CEMIP: variants seen among roughly 807,000 people sequenced by gnomAD.
CEMIP encodes cell migration-inducing and hyaluronan-binding protein.
Under a neutral mutation model 156.9 loss-of-function variants are expected in CEMIP, and 105 were observed. That is an observed-to-expected ratio of 0.67 (90% CI 0.57 to 0.79). The LOEUF is 0.79. CEMIP is among the 30% of genes least tolerant of loss of function. The pLI, the probability that CEMIP is intolerant of heterozygous loss-of-function variation, is 0.00. For missense variants in CEMIP, 1,457 were observed against 1,769.4 expected (o/e 0.82, Z 3.17); for synonymous variants, 676 against 668.4 (o/e 1.01, Z -0.17).
chr15:80,889,188 A>T (rs1898953487), intron 9 of CEMIP, among the ~76,000 whole-genome samples: 1 of 152,270 alleles, frequency 6.6e-6, no homozygotes, highest in Admixed American at 6.5e-5. Context: ...TAACGGGTTT[A>T]CAGATGGATT....
chr15:80,853,115 G>A (rs1897753616), intron 1 of CEMIP, among the ~76,000 whole-genome samples: 2 of 152,224 alleles, frequency 1.3e-5, no homozygotes, highest in African/African-American at 4.8e-5. Context: ...ATGCAGAAAA[G>A]TGTTTGTTGT....
intron 17 of CEMIP, among the ~76,000 whole-genome samples, chr15:80,922,650 C>T (rs766147006): frequency 3.3e-5 from 5 of 152,222 alleles, no homozygotes; most frequent in Non-Finnish European, 5.9e-5. Flanking sequence ...GCTAAGTGGG[C>T]AGGTGGGACA....
In CEMIP at chr15:80,884,157, T is replaced by C. The variant is rs767597905; in HGVS notation, c.618-18T>C. The C allele has an allele frequency of 4.2e-5, 68 of 1,613,744 alleles. 2 individuals are homozygous for C. In the South Asian group the frequency reaches 7.2e-4, roughly 17 times the overall value. ...TGCGGTCAAGACTATTCAGATCTCT[T>C]CTCTCTGCCCTTTTTAGGTTTGACA... On this transcript the variant is annotated intron_variant, in intron 6 of 29. Transcript: ENST00000394685.
chr15:80,881,313 T>C (rs1271401178), intron 6 of CEMIP, among the ~76,000 whole-genome samples, 177 bp downstream of exon 6: 1 of 152,166 alleles, frequency 6.6e-6, no homozygotes, highest in East Asian at 1.9e-4. Flanking sequence ...TGATGCTGAA[T>C]TGAAGAGGAG....
chr15:80,920,320 C>T (rs775255560), intron 15 of CEMIP, 21 bp downstream of exon 15: 1 of 1,606,222 alleles, frequency 6.2e-7, no homozygotes, highest in East Asian at 2.2e-5. Context: ...GGACCCCTCT[C>T]TGTGTGCTGG....
intron 3 of CEMIP, among the ~76,000 whole-genome samples, chr15:80,875,277 C>T (rs1284868410): frequency 6.6e-6 from 1 of 152,084 alleles, no homozygotes; most frequent in Non-Finnish European, 1.5e-5. Flanking sequence ...TCAAGGGATC[C>T]TTCAGCCTCG....
At chr15:80,877,222 G>A (rs1898505698) in intron 3 of CEMIP, among the ~76,000 whole-genome samples, 3 of 152,218 alleles carry the variant, frequency 2.0e-5, no homozygotes, top group Admixed American at 1.3e-4. Context: ...AGATTTGGGT[G>A]AGGACACAGC....
chr15:80,786,132 C>G (rs1042938119), intron 1 of CEMIP, among the ~76,000 whole-genome samples: 1 of 152,114 alleles, frequency 6.6e-6, no homozygotes, highest in East Asian at 1.9e-4. Flanking sequence ...CTGTGGGTTC[C>G]AAGGAGCACA....
chr15:80,896,160 G>A, intron 12 of CEMIP, 100 bp downstream of exon 12: 1 of 1,210,314 alleles, frequency 8.3e-7, no homozygotes, highest in Non-Finnish European at 1.2e-6. Context: ...GTCAGCTATG[G>A]CTGTAATAAT....
At chr15:80,882,055 G>A (rs1428629937) in intron 6 of CEMIP, among the ~76,000 whole-genome samples, 6 of 152,180 alleles carry the variant, frequency 3.9e-5, no homozygotes, top group Non-Finnish European at 8.8e-5. Context: ...CTACCCTGGG[G>A]CTGCTGGGGA....
intron 1 of CEMIP, among the ~76,000 whole-genome samples, chr15:80,852,527 T>C (rs1897738967): frequency 6.6e-6 from 1 of 152,234 alleles, no homozygotes; most frequent in African/African-American, 2.4e-5. Flanking sequence ...CATTTGCTTT[T>C]ATGGCATCGG....
At chr15:80,892,840 A>G (rs909111046) in intron 10 of CEMIP, among the ~76,000 whole-genome samples, 1 of 152,220 alleles carries the variant, frequency 6.6e-6, no homozygotes, top group Non-Finnish European at 1.5e-5. Context: ...TTGTGGATTC[A>G]GTGCAATGAA....
chr15:80,875,893 C>T (rs569030185), intron 3 of CEMIP, among the ~76,000 whole-genome samples: 29 of 152,226 alleles, frequency 1.9e-4, no homozygotes, highest in African/African-American at 6.7e-4. Flanking sequence ...CAATCTTGCA[C>T]CTGCTGTGCT....
intron 4 of CEMIP, 114 bp downstream of exon 4, chr15:80,878,981 G>A: frequency 1.5e-6 from 2 of 1,350,822 alleles, no homozygotes; most frequent in East Asian, 4.6e-5. Context: ...CATGCTTTGG[G>A]TTCATGTTGG....
At chr15:80,876,306 C>T (rs968221377) in intron 3 of CEMIP, among the ~76,000 whole-genome samples, 2 of 152,226 alleles carry the variant, frequency 1.3e-5, no homozygotes, top group Non-Finnish European at 2.9e-5. Context: ...GTGGGTTTCA[C>T]AGCCCAGCCC....
At chr15:80,832,875 C>A (rs1897186554) in intron 1 of CEMIP, among the ~76,000 whole-genome samples, 1 of 152,176 alleles carries the variant, frequency 6.6e-6, no homozygotes, top group Non-Finnish European at 1.5e-5. Context: ...CTGGAAGCAT[C>A]TGAGGCTCAC....
At chr15:80,894,839 A>G in intron 10 of CEMIP, 151 bp from the exon 11 acceptor site, 1 of 933,732 alleles carries the variant, frequency 1.1e-6, no homozygotes, top group East Asian at 2.5e-5. Flanking sequence ...GATGGGGGCA[A>G]TCATTGGGAT....
At chr15:80,836,680 CA>C (rs201018999) in intron 1 of CEMIP, among the ~76,000 whole-genome samples, 6 of 151,896 alleles carry the variant, frequency 4.0e-5, no homozygotes, top group East Asian at 1.9e-4. Context: ...GGTTTTCTGC[CA>C]GCCTTACCCT....
At chr15:80,915,612 C>T (rs946658817) in intron 14 of CEMIP, among the ~76,000 whole-genome samples, 1 of 152,128 alleles carries the variant, frequency 6.6e-6, no homozygotes, top group Non-Finnish European at 1.5e-5. Context: ...GAAACCAACA[C>T]TAAGAGATGG....
Sources: gnomAD v4.1 joint callset for allele counts (sites outside exome capture counted in the v4.1 genomes callset) on GRCh38, gnomAD v4.1.1 for gene constraint, MANE v1.5 for transcripts, NCBI Gene and HGNC (gene_info 2026-07-23, HGNC 2026-07-21) for gene names.